The following PRKG1 variants were observed in gnomAD, a reference collection of about 807,000 sequenced individuals.
PRKG1 encodes the protein protein kinase cGMP-dependent 1.
Under a neutral mutation model 88.1 loss-of-function variants are expected in PRKG1, and 35 were observed. The ratio of observed to expected loss-of-function variants is 0.40; its 90% CI spans 0.30 to 0.53. The LOEUF (loss-of-function observed/expected upper bound fraction) is 0.53. Ranked by LOEUF, PRKG1 falls within the 20% of genes least tolerant of loss-of-function variation. PRKG1 has a pLI of 0.59. For synonymous variants in PRKG1, 303 were observed against 292.5 expected (o/e 1.04, Z -0.37); for missense variants, 540 against 839.8 (o/e 0.64, Z 4.41).
intron 2 of PRKG1, among the ~76,000 whole-genome samples, chr10:51,222,251 C>T (rs1175953195): frequency 6.6e-6 from 1 of 152,044 alleles, no homozygotes; most frequent in Non-Finnish European, 1.5e-5. Flanking sequence ...TTCCTCCCAC[C>T]TTCACTTGTC....
intron 4 of PRKG1, among the ~76,000 whole-genome samples, chr10:51,850,616 C>T (rs1049802701): frequency 6.6e-6 from 1 of 152,004 alleles, no homozygotes; most frequent in Admixed American, 6.6e-5. Flanking sequence ...AGAGCAATCT[C>T]CTTAATATGT....
chr10:52,054,454 A>AT (rs758322012), intron 5 of PRKG1, 30 bp from the exon 6 acceptor site: 15 of 1,566,836 alleles, frequency 9.6e-6, no homozygotes, highest in South Asian at 4.4e-5. Context: ...TGCTTGCTTA[A>AT]TTTTTTTTCT....
At chr10:51,240,875 A>C (rs1378720424) in intron 2 of PRKG1, among the ~76,000 whole-genome samples, 3 of 152,242 alleles carry the variant, frequency 2.0e-5, no homozygotes, top group Non-Finnish European at 2.9e-5. Context: ...CCTAGGCTTG[A>C]AGTGGATCTC....
intron 3 of PRKG1, among the ~76,000 whole-genome samples, chr10:51,601,383 G>T (rs1255274651): frequency 6.6e-6 from 1 of 152,186 alleles, no homozygotes; most frequent in East Asian, 1.9e-4. Context: ...AATTTGAAGT[G>T]AAGGGAAATA....
In PRKG1 at chr10:52,089,960, A is replaced by G. The variant is rs530279892; in HGVS notation, c.935+27329A>G. Among the ~76,000 whole-genome samples the G allele has an allele frequency of 3.1e-4, 47 of 151,952 alleles. No individual in the cohort carries two copies. The East Asian group carries it at 8.7e-3, about 28-fold the overall frequency. On this transcript the variant is annotated intron_variant, in intron 7 of 17. Transcript: ENST00000373980. ...CTCCCGAGTAGCTGGAACTACAGGC[A>G]TGTGCCACCATGCCTAGCTAGTTTT...
intron 3 of PRKG1, among the ~76,000 whole-genome samples, chr10:51,534,022 A>G (rs1001443945): frequency 1.3e-5 from 2 of 152,204 alleles, no homozygotes; most frequent in African/African-American, 4.8e-5. Flanking sequence ...CTTCCATATA[A>G]TCCAAAGTTG....
At chr10:51,001,089 C>T (rs1842884190) in intron 1 of PRKG1, among the ~76,000 whole-genome samples, 1 of 152,196 alleles carries the variant, frequency 6.6e-6, no homozygotes, top group Non-Finnish European at 1.5e-5. Context: ...AATACATCAT[C>T]AGAAAAACAT....
chr10:51,380,689 C>T (rs983943448), intron 2 of PRKG1, among the ~76,000 whole-genome samples: 1 of 152,078 alleles, frequency 6.6e-6, no homozygotes, highest in Non-Finnish European at 1.5e-5. Context: ...AATGGCACAG[C>T]TCATGCACCT....
chr10:51,031,284 G>A (rs1843279287), intron 1 of PRKG1, among the ~76,000 whole-genome samples: 1 of 152,072 alleles, frequency 6.6e-6, no homozygotes, highest in African/African-American at 2.4e-5. Flanking sequence ...TACCCTGTTT[G>A]CAAAGTAGGT....
intron 9 of PRKG1, among the ~76,000 whole-genome samples, chr10:52,183,580 C>T (rs568838133): frequency 1.6e-4 from 25 of 152,318 alleles, no homozygotes; most frequent in African/African-American, 5.5e-4. Flanking sequence ...CTAGGCTCTT[C>T]ACAGCTTGGG....
intron 2 of PRKG1, among the ~76,000 whole-genome samples, chr10:51,266,712 G>T (rs190385118): frequency 7.9e-5 from 12 of 152,116 alleles, no homozygotes; most frequent in Non-Finnish European, 1.5e-4. Flanking sequence ...GCAGCACAAA[G>T]GTCAATGCAT....
intron 9 of PRKG1, among the ~76,000 whole-genome samples, chr10:52,165,486 A>T (rs1838409760): frequency 6.6e-6 from 1 of 152,172 alleles, no homozygotes; most frequent in African/African-American, 2.4e-5. Flanking sequence ...AAAATCTGGG[A>T]TATTTCTGTT....
chr10:51,014,319 T>TC (rs1843029658), intron 1 of PRKG1, among the ~76,000 whole-genome samples: 1 of 30,806 alleles, frequency 3.2e-5, no homozygotes, highest in South Asian at 1.1e-3. Flanking sequence ...AGGCATTCTC[T>TC]TTTTTTTTTT....
intron 3 of PRKG1, among the ~76,000 whole-genome samples, chr10:51,496,713 T>C (rs769330064): frequency 2.0e-4 from 30 of 152,278 alleles, no homozygotes; most frequent in Middle Eastern, 3.4e-3. Flanking sequence ...TTGTTTTCTG[T>C]AAGTGTCATA....
At chr10:51,697,759 C>T in intron 3 of PRKG1, 1 of 1,614,176 alleles carries the variant, frequency 6.2e-7, no homozygotes, top group Admixed American at 1.7e-5. Flanking sequence ...TCTGCCTTTG[C>T]TCAGGGGGCA....
At chr10:51,526,427 A>G (rs780265490) in intron 3 of PRKG1, among the ~76,000 whole-genome samples, 1 of 152,174 alleles carries the variant, frequency 6.6e-6, no homozygotes, top group Non-Finnish European at 1.5e-5. Context: ...GCACCAACCT[A>G]ATATATATGG....
chr10:51,903,072 A>G (rs989363879), intron 4 of PRKG1, among the ~76,000 whole-genome samples: 2 of 152,098 alleles, frequency 1.3e-5, no homozygotes, highest in African/African-American at 2.4e-5. Flanking sequence ...TATTGTTTTC[A>G]TGTAATAGGT....
At chr10:51,600,047 T>A (rs1396571186) in intron 3 of PRKG1, among the ~76,000 whole-genome samples, 2 of 152,184 alleles carry the variant, frequency 1.3e-5, no homozygotes, top group Non-Finnish European at 2.9e-5. Context: ...ATACTATTAT[T>A]TTTAAACTGA....
rs143007595 is a variant in PRKG1 at position 51,981,091 on chromosome 10, C to T, written c.763-73393C>T. On this transcript the variant is annotated intron_variant, in intron 5 of 17. Coordinates refer to ENST00000373980, the MANE Select transcript of PRKG1 (RefSeq NM_006258.4). ...CTTTACAGTGTCACTGGTCTGTGTA[C>T]CTAAGTGTGTGTGTGTTTTTTAGTG... Among the ~76,000 whole-genome samples, 803 of 152,142 alleles carry T rather than the reference C, an allele frequency of 5.3e-3. 2 individuals carry two copies. The highest frequency in any genetic ancestry group is 0.018 in the African/African-American group (727 of 41,496).
Sources: allele counts gnomAD v4.1 joint callset (sites outside exome capture counted in the v4.1 genomes callset), GRCh38; gene constraint gnomAD v4.1.1; transcripts MANE v1.5; gene names NCBI Gene and HGNC (gene_info 2026-07-23, HGNC 2026-07-21).